LEMD3: variants seen among roughly 807,000 people sequenced by gnomAD.
The protein encoded by LEMD3 is LEM domain containing 3.
In LEMD3, 33 loss-of-function variants were observed where a neutral mutation model predicts 95.2. That is an observed-to-expected ratio of 0.35 (90% confidence interval 0.26 to 0.46). The LOEUF is 0.46. Ranked by LOEUF, LEMD3 falls within the 20% of genes least tolerant of loss-of-function variation. The probability of loss-of-function intolerance (pLI) is 1.00; values close to 1 mark genes in which losing one functional copy is unlikely to be tolerated. For synonymous variants in LEMD3, 525 were observed against 474.6 expected (o/e 1.11, Z -1.38); for missense variants, 1,210 against 1,192.8 (o/e 1.01, Z -0.21).
intron 1 of LEMD3, among the ~76,000 whole-genome samples, chr12:65,191,962 A>G (rs1283028109): frequency 6.6e-6 from 1 of 151,668 alleles, no homozygotes; most frequent in East Asian, 1.9e-4. Context: ...GAATAATGGA[A>G]TAGAATTTTG....
chr12:65,187,382 C>G (rs1331862373), intron 1 of LEMD3, among the ~76,000 whole-genome samples: 1 of 151,966 alleles, frequency 6.6e-6, no homozygotes, highest in Non-Finnish European at 1.5e-5. Context: ...CAGTACTGTG[C>G]TAAGTTTTTC....
chr12:65,237,560 C>A (rs1365514604), intron 4 of LEMD3, among the ~76,000 whole-genome samples: 1 of 152,118 alleles, frequency 6.6e-6, no homozygotes, highest in East Asian at 1.9e-4. Context: ...TTGAATGGAT[C>A]TTTTACCTAT....
chr12:65,231,693 A>G (rs1870634283), intron 4 of LEMD3, among the ~76,000 whole-genome samples: 1 of 152,070 alleles, frequency 6.6e-6, no homozygotes, highest in South Asian at 2.1e-4. Flanking sequence ...AAATTAAATA[A>G]CACTCATTAT....
intron 3 of LEMD3, among the ~76,000 whole-genome samples, chr12:65,218,204 C>T (rs1870168305): frequency 6.6e-6 from 1 of 152,078 alleles, no homozygotes; most frequent in Non-Finnish European, 1.5e-5. Context: ...TCTTGTGTGC[C>T]AAGATCTGTG....
At chr12:65,237,473 A>G (rs1565798685) in intron 4 of LEMD3, among the ~76,000 whole-genome samples, 1 of 152,202 alleles carries the variant, frequency 6.6e-6, no homozygotes, top group Non-Finnish European at 1.5e-5. Flanking sequence ...CTTAAATGTT[A>G]GTTGCAATGT....
Position 65,243,473 on chromosome 12 carries a change from A to C in LEMD3, c.2387+4A>C. ...GGAATATGTTTGATCCCGTTATGTA[A>C]GTATTATGATCAGGGGTACATGTAA... On this transcript the variant is annotated splice_donor_region_variant and intron_variant, in intron 10 of 12. Transcript: ENST00000308330. 6.5e-7 allele frequency: 1 copy of C among 1,528,660 alleles called. No individual in the cohort carries two copies. Among genetic ancestry groups the C allele is most frequent in the East Asian group, 2.3e-5 (1 of 44,366 alleles). The allele number at this position is 1,528,660 out of a possible 1,614,324, so 94.7% of individuals were successfully genotyped here. A position where few individuals can be genotyped will look rare whatever the true frequency, so the allele number is the denominator to read the frequency against.
In LEMD3 at chr12:65,193,542, G is replaced by C. The variant is rs962804431; in HGVS notation, c.1523-17384G>C. ...TATATCAGTTAAAATCCTCCATGTT[G>C]CTTCTTAATGCATATGCTGGAGCCC... On this transcript the variant is annotated intron_variant, in intron 1 of 12. Coordinates refer to ENST00000308330, the MANE Select transcript of LEMD3 (RefSeq NM_014319.5). Among the ~76,000 whole-genome samples, 9 of 152,050 alleles carry C rather than the reference G, an allele frequency of 5.9e-5. No homozygotes were observed. The East Asian group carries it at 1.7e-3, about 29-fold the overall frequency.
At chr12:65,215,310 A>G (rs902507297) in intron 2 of LEMD3, among the ~76,000 whole-genome samples, 2 of 152,006 alleles carry the variant, frequency 1.3e-5, no homozygotes, top group Non-Finnish European at 2.9e-5. Context: ...CCCTCCTTCT[A>G]TATTTACAGA....
intron 4 of LEMD3, among the ~76,000 whole-genome samples, chr12:65,237,568 T>A (rs868253064): frequency 3.9e-5 from 6 of 152,346 alleles, no homozygotes; most frequent in Admixed American, 1.3e-4. Flanking sequence ...ATCTTTTACC[T>A]ATGCGTGATT....
At chr12:65,172,657 A>G (rs1868589243) in intron 1 of LEMD3, among the ~76,000 whole-genome samples, 3 of 152,170 alleles carry the variant, frequency 2.0e-5, no homozygotes, top group African/African-American at 7.2e-5. Flanking sequence ...CATAAATTAA[A>G]TGACATTACC....
intron 4 of LEMD3, among the ~76,000 whole-genome samples, chr12:65,219,912 A>G (rs1309430921): frequency 2.0e-5 from 3 of 152,142 alleles, no homozygotes; most frequent in African/African-American, 7.2e-5. Flanking sequence ...GTAGAATTTC[A>G]TTGTATGTAT....
Position 65,170,246 on chromosome 12 carries a change from T to C in LEMD3, c.650T>C (p.Val217Ala). The change falls in exon 1 of 13, where the codon GTG (valine) becomes GCG (alanine). Residue 217 changes from valine to alanine, a missense_variant. Around this residue, in one of 2 missense-constraint regions of LEMD3, gnomAD observed 749 missense variants for 622.9 expected, o/e 1.20. Transcript: ENST00000308330. ...LQTPPGKDGA[V>A]EDEEGEGEDG... is the part of the protein sequence containing the mutation. ...ACCCCGCCGGGGAAAGATGGAGCAG[T>C]GGAGGACGAGGAAGGGGAGGGAGAG... 1 of 1,545,716 alleles carries C rather than the reference T, an allele frequency of 6.5e-7. No individual in the cohort carries two copies. Among genetic ancestry groups the C allele is most frequent in the South Asian group, 1.2e-5 (1 of 82,862 alleles).
chr12:65,180,962 G>T (rs770964721), intron 1 of LEMD3, among the ~76,000 whole-genome samples: 1 of 143,888 alleles, frequency 6.9e-6, no homozygotes, highest in Non-Finnish European at 1.5e-5. Flanking sequence ...TTCTCAGTTA[G>T]CTCATATATA....
intron 4 of LEMD3, among the ~76,000 whole-genome samples, chr12:65,218,992 A>G (rs1178315370): frequency 1.3e-5 from 2 of 152,070 alleles, no homozygotes; most frequent in South Asian, 2.1e-4. Context: ...GAGTTTCACT[A>G]TGTTGGCCAG....
Position 65,170,480 on chromosome 12 carries a change from C to T in LEMD3, c.884C>T (p.Pro295Leu). ...AGACGAACCCATAGTAAGCCTCTCC[C>T]CCCGCTGACTGCTAAATCGGCCGGC... Reference protein sequence around the residue: ...RPRRTHSKPLPPLTAKSAGGR... With the variant: ...RPRRTHSKPLLPLTAKSAGGR... The change falls in exon 1 of 13, where the codon CCC (proline) becomes CTC (leucine). Residue 295 changes from proline to leucine, a missense_variant. Coordinates refer to ENST00000308330, the MANE Select transcript of LEMD3 (RefSeq NM_014319.5). 1.2e-6 allele frequency: 2 copies of T among 1,613,362 alleles called. No individual in the cohort carries two copies. The highest frequency in any genetic ancestry group is 1.7e-6 in the Non-Finnish European group (2 of 1,179,814).
In LEMD3 at chr12:65,170,677, G is replaced by C. The variant is rs1868512114; in HGVS notation, c.1081G>C (p.Ala361Pro). The C allele has an allele frequency of 1.2e-6, 2 of 1,614,046 alleles. No homozygotes were observed. The highest frequency in any genetic ancestry group is 4.5e-5 in the East Asian group (2 of 44,892). ...CCCCGTTCCTAGATACCGTGTTAACGCTAAGAAACTGACCCCTCTCCTGCC... is the reference window on the plus strand; with the variant it reads ...CCCCGTTCCTAGATACCGTGTTAACCCTAAGAAACTGACCCCTCTCCTGCC... ...SSPVPRYRVNAKKLTPLLPPP... is the reference protein window; with the variant it reads ...SSPVPRYRVNPKKLTPLLPPP... The change falls in exon 1 of 13, where the codon GCT (alanine) becomes CCT (proline). Residue 361 changes from alanine (A) to proline (P), a missense_variant. Physicochemically the swap from Ala to Pro is conservative, Grantham distance 27. Coordinates refer to ENST00000308330, the MANE Select transcript of LEMD3 (RefSeq NM_014319.5).
At chr12:65,171,273 G>C in intron 1 of LEMD3, 155 bp downstream of exon 1, 2 of 1,337,128 alleles carry the variant, frequency 1.5e-6, no homozygotes, top group Non-Finnish European at 2.0e-6. Flanking sequence ...CTTTCTTAAA[G>C]AACACCATTA....
chr12:65,215,992 CTT>C lies in LEMD3; in HGVS notation c.1577_1578del (p.Leu526HisfsTer7). 6.5e-7 allele frequency: 1 copy of C among 1,549,526 alleles called. No individual in the cohort carries two copies. Reference sequence around the variant, plus strand: ...TTAATTTTAGGAAAGTGAAAAAACTCTTATGATGAACACATTATATAAGCTTC... The same window carrying C: ...TTAATTTTAGGAAAGTGAAAAAACTCATGATGAACACATTATATAAGCTTC... ...FGKIQESEKT[L>X]MMNTLYKLHD... On this transcript the variant is annotated frameshift_variant, in exon 3 of 13. Transcript: ENST00000308330. LOFTEE classifies it high-confidence loss of function.
At chr12:65,231,545 G>A (rs890629289) in intron 4 of LEMD3, among the ~76,000 whole-genome samples, 24 of 152,018 alleles carry the variant, frequency 1.6e-4, no homozygotes, top group African/African-American at 5.3e-4. Flanking sequence ...TAAATAGCTA[G>A]GTGTGGTGGC....
Sources: allele counts gnomAD v4.1 joint callset (sites outside exome capture counted in the v4.1 genomes callset), GRCh38; gene constraint gnomAD v4.1.1; regional missense constraint gnomAD v4.1.1; transcripts MANE v1.5; gene names NCBI Gene and HGNC (gene_info 2026-07-23, HGNC 2026-07-21).